The following RMDN1 variants were observed in gnomAD, a reference collection of about 807,000 sequenced individuals.
RMDN1 encodes regulator of microtubule dynamics 1, also known as regulator of microtubule dynamics protein 1.
Under a neutral mutation model 48.9 loss-of-function variants are expected in RMDN1, and 48 were observed. The observed-to-expected ratio is 0.98, with a 90% CI of 0.78 to 1.25. RMDN1 has a LOEUF of 1.25. Ranked by LOEUF, RMDN1 falls within the 50% of genes most tolerant of loss-of-function variation. RMDN1 has a pLI of 0.00. For synonymous variants in RMDN1, 148 were observed against 132.6 expected, an observed-to-expected ratio of 1.12 and a Z score of -0.80; for missense variants, 418 against 373.4, an observed-to-expected ratio of 1.12 and a Z score of -0.98.
upstream of RMDN1, among the ~76,000 whole-genome samples, chr8:86,509,835 C>G (rs1819952272): frequency 6.6e-6 from 1 of 152,126 alleles, no homozygotes; most frequent in African/African-American, 2.4e-5. Flanking sequence ...TAAAGTCTAT[C>G]TTTAAAAATA....
At chr8:86,508,777 G>GCACC, upstream of RMDN1, 1 of 1,068,740 alleles carries the variant, frequency 9.4e-7, no homozygotes, top group Non-Finnish European at 1.1e-6. Context: ...CGCCCCCATG[G>GCACC]TTTCCGGTGC....
intron 2 of RMDN1, among the ~76,000 whole-genome samples, chr8:86,498,132 T>C (rs1416716907): frequency 6.6e-6 from 1 of 152,006 alleles, no homozygotes; most frequent in African/African-American, 2.4e-5. Flanking sequence ...TACAAACACC[T>C]CTAGGCATAC....
chr8:86,494,269 G>A (rs1315118825), intron 2 of RMDN1, among the ~76,000 whole-genome samples: 1 of 152,322 alleles, frequency 6.6e-6, no homozygotes, highest in Admixed American at 6.5e-5. Flanking sequence ...ATAAAAACTT[G>A]TTGAGGCCGG....
intron 2 of RMDN1, among the ~76,000 whole-genome samples, chr8:86,506,762 A>G (rs1819431560): frequency 6.6e-6 from 1 of 152,168 alleles, no homozygotes; most frequent in South Asian, 2.1e-4. Flanking sequence ...AGTGGGGTTT[A>G]GCTGGAAAAG....
chr8:86,512,826 C>G (rs1820117428), upstream of RMDN1, among the ~76,000 whole-genome samples: 1 of 151,946 alleles, frequency 6.6e-6, no homozygotes, highest in Admixed American at 6.6e-5. Flanking sequence ...GTAATCCCAG[C>G]ACTCTGGGAG....
chr8:86,488,608 C>T lies in RMDN1; in HGVS notation c.279G>A (p.Leu93=). Residue 93 remains leucine, a synonymous_variant, in exon 3 of 10, where the codon CTG becomes CTA. Coordinates refer to ENST00000406452, the MANE Select transcript of RMDN1 (RefSeq NM_016033.3). ...GTTTTTCTGTTTCTCCGCTTTCATA[C>T]AGGTAGTCTGCTTGTTCAAGTATTT... ...VEEILEQADY[L]YESGETEKLY... is the part of the protein sequence containing the mutation. 1.2e-6 allele frequency: 2 copies of T among 1,610,384 alleles called. No homozygotes were observed. Among genetic ancestry groups the T allele is most frequent in the African/African-American group, 2.7e-5 (2 of 74,862 alleles).
intron 5 of RMDN1, 122 bp from the exon 6 acceptor site, chr8:86,480,454 T>C (rs1290554377): frequency 1.9e-6 from 1 of 514,524 alleles, no homozygotes; most frequent in Non-Finnish European, 3.5e-6. Flanking sequence ...AGTTCTCCCA[T>C]TATAATATCA....
intron 2 of RMDN1, chr8:86,504,001 A>C: frequency 2.6e-6 from 2 of 776,994 alleles, no homozygotes; most frequent in East Asian, 2.4e-5. Context: ...GCCCATGTAC[A>C]TTGGAGAGAT....
intron 8 of RMDN1, among the ~76,000 whole-genome samples, chr8:86,476,626 C>G (rs951060813): frequency 6.6e-6 from 1 of 152,222 alleles, no homozygotes; most frequent in African/African-American, 2.4e-5. Context: ...CTCTTTTTCA[C>G]AATATCTGCA....
intron 2 of RMDN1, chr8:86,504,781 C>G (rs1448556368): frequency 7.7e-6 from 8 of 1,044,628 alleles, no homozygotes; most frequent in Non-Finnish European, 1.2e-5. Context: ...CCAGCTGCGA[C>G]TGCAATGGCC....
upstream of RMDN1, among the ~76,000 whole-genome samples, chr8:86,511,561 G>A (rs564249554): frequency 6.6e-6 from 1 of 152,254 alleles, no homozygotes; most frequent in East Asian, 1.9e-4. Flanking sequence ...TGTAATCCCA[G>A]CACTTTGAGA....
chr8:86,489,582 A>T (rs1336425819), intron 2 of RMDN1, among the ~76,000 whole-genome samples: 1 of 152,156 alleles, frequency 6.6e-6, no homozygotes, highest in South Asian at 2.1e-4. Context: ...CTGTAATCCT[A>T]GCACTTTGGG....
In RMDN1 at chr8:86,503,953, G is replaced by GTTA. The variant is rs1372640615; in HGVS notation, c.247+3039_247+3041dup. 7.9e-6 allele frequency: 6 copies of GTTA among 758,420 alleles called. No individual in the cohort carries two copies. The East Asian group carries it at 1.5e-4, about 19-fold the overall frequency. 47.0% of individuals were successfully genotyped at this position (758,420 alleles called of 1,614,324 possible). On this transcript the variant is annotated intron_variant, in intron 2 of 9. Transcript: ENST00000406452. ...TGAAATGCTGACCCTGGGCTGCTTG[G>GTTA]TTATTGGCCTCTTCTGTGGACTGTG... is the stretch of plus-strand genomic sequence containing the variant.
At chr8:86,470,400 G>A (rs1417087738), downstream of RMDN1, 3 of 1,283,558 alleles carry the variant, frequency 2.3e-6, no homozygotes, top group South Asian at 3.7e-5. Flanking sequence ...GACACGTGGG[G>A]AATCAGGCTC....
chr8:86,481,918 A>G (rs1170121560), intron 5 of RMDN1: 3 of 786,714 alleles, frequency 3.8e-6, no homozygotes, highest in Non-Finnish European at 2.1e-6. Flanking sequence ...TCGGCCAGAC[A>G]CGAAGTGGAA....
chr8:86,477,685 C>G (rs1377352712), intron 7 of RMDN1, among the ~76,000 whole-genome samples: 3 of 152,084 alleles, frequency 2.0e-5, no homozygotes, highest in East Asian at 3.8e-4. Flanking sequence ...TAATCAAAAG[C>G]TGAATTTATT....
At chr8:86,504,677 T>C (rs921003369) in intron 2 of RMDN1, 4 of 873,562 alleles carry the variant, frequency 4.6e-6, no homozygotes. Flanking sequence ...GCTTTGTCTT[T>C]ATCGGGGCTA....
intron 2 of RMDN1, among the ~76,000 whole-genome samples, chr8:86,494,325 G>A (rs756563265): frequency 2.0e-5 from 3 of 152,032 alleles, no homozygotes; most frequent in Non-Finnish European, 2.9e-5. Flanking sequence ...GGAGGCCGGG[G>A]TGGGCAGATC....
At chr8:86,488,451 T>C in intron 3 of RMDN1, 101 bp downstream of exon 3, 1 of 553,226 alleles carries the variant, frequency 1.8e-6, no homozygotes. Context: ...AAAACTACAA[T>C]AATCAATTTT....
Sources: allele counts gnomAD v4.1 joint callset (sites outside exome capture counted in the v4.1 genomes callset), GRCh38; gene constraint gnomAD v4.1.1; transcripts MANE v1.5; gene names NCBI Gene and HGNC (gene_info 2026-07-23, HGNC 2026-07-21).